AFG2B: variants seen among roughly 807,000 people sequenced by gnomAD.
AFG2B encodes ATPase family gene 2 protein homolog B.
the AFG2B span, chr15:45,418,437 C>A: frequency 2.2e-6 from 2 of 925,750 alleles, no homozygotes; most frequent in Non-Finnish European, 3.1e-6. Flanking sequence ...GTCTTTCTAA[C>A]CCCTATATAT....
chr15:45,403,262 C>T, the AFG2B span: 1 of 1,587,496 alleles, frequency 6.3e-7, no homozygotes, highest in South Asian at 1.1e-5. Flanking sequence ...CCTGGGGAGA[C>T]CGAGGAGAAC....
chr15:45,406,052 G>C, the AFG2B span, among the ~76,000 whole-genome samples: 758 of 152,140 alleles, frequency 5.0e-3, 16 homozygotes, highest in East Asian at 0.019. Flanking sequence ...TGAAAAACAA[G>C]GACCTTAACC....
chr15:45,415,614 C>T, the AFG2B span: 5 of 1,613,988 alleles, frequency 3.1e-6, no homozygotes, highest in African/African-American at 1.3e-5. Context: ...AGCAAGCACT[C>T]CAGCAATTTT....
the AFG2B span, among the ~76,000 whole-genome samples, chr15:45,404,105 T>G: frequency 6.6e-6 from 1 of 152,222 alleles, no homozygotes; most frequent in South Asian, 2.1e-4. Context: ...TGTCCTATTT[T>G]AAGCTTTGGT....
the AFG2B span, among the ~76,000 whole-genome samples, chr15:45,411,339 CAT>C: frequency 2.7e-4 from 41 of 152,246 alleles, no homozygotes; most frequent in South Asian, 1.0e-3. Flanking sequence ...TATTTTGACA[CAT>C]GTTTGCTCTG....
At chr15:45,402,638 G>C in the AFG2B span, 2 of 1,578,040 alleles carry the variant, frequency 1.3e-6, no homozygotes, top group Non-Finnish European at 1.7e-6. Flanking sequence ...GGAGCGGACG[G>C]CTTTGTGCAG....
the AFG2B span, among the ~76,000 whole-genome samples, chr15:45,414,948 ATCC>A: frequency 2.0e-5 from 3 of 152,204 alleles, no homozygotes; most frequent in South Asian, 6.2e-4. Context: ...ATCCTTCATA[ATCC>A]TCCTACCTAC....
At chr15:45,403,243 G>C in the AFG2B span, 1 of 1,553,770 alleles carries the variant, frequency 6.4e-7, no homozygotes, top group African/African-American at 1.4e-5. Context: ...GGCGCTGCAG[G>C]GTTCCCGGCC....
chr15:45,403,627 T>C, the AFG2B span: 1 of 1,426,306 alleles, frequency 7.0e-7, no homozygotes, highest in Admixed American at 2.5e-5. Context: ...ATCGGTGAGG[T>C]TGGAGTTGGG....
the AFG2B span, chr15:45,402,410 G>C: frequency 3.2e-6 from 5 of 1,579,176 alleles, no homozygotes; most frequent in Non-Finnish European, 4.3e-6. Context: ...GGTTTCGTCT[G>C]CCTGGTTCAT....
the AFG2B span, among the ~76,000 whole-genome samples, chr15:45,419,345 C>T: frequency 2.0e-5 from 3 of 151,776 alleles, no homozygotes; most frequent in Non-Finnish European, 4.4e-5. Context: ...ACTAGTAGTC[C>T]CAGCTACTTG....
the AFG2B span, chr15:45,417,421 CTG>C: frequency 1.9e-6 from 3 of 1,612,224 alleles, no homozygotes; most frequent in Non-Finnish European, 2.5e-6. Flanking sequence ...CACATTTACT[CTG>C]TGTGAGCTCA....
chr15:45,410,609 C>A, the AFG2B span: 1 of 1,353,800 alleles, frequency 7.4e-7, no homozygotes, highest in East Asian at 2.4e-5. Context: ...ACATACTGCG[C>A]TGAAACTGCT....
chr15:45,411,466 T>TACC, the AFG2B span, among the ~76,000 whole-genome samples: 1 of 152,120 alleles, frequency 6.6e-6, no homozygotes, highest in African/African-American at 2.4e-5. Context: ...TACAGGTGCA[T>TACC]ACCACCACGC....
the AFG2B span, chr15:45,403,389 C>T: frequency 2.5e-6 from 4 of 1,611,008 alleles, no homozygotes; most frequent in Non-Finnish European, 3.4e-6. Context: ...CCGAGAGCCG[C>T]GTAGTGGCCC....
At chr15:45,413,311 C>G in the AFG2B span, among the ~76,000 whole-genome samples, 1 of 152,176 alleles carries the variant, frequency 6.6e-6, no homozygotes, top group Admixed American at 6.6e-5. Context: ...ATCTGTATAT[C>G]TAGAGTAGAC....
the AFG2B span, chr15:45,415,923 G>A: frequency 2.6e-6 from 2 of 782,934 alleles, no homozygotes; most frequent in South Asian, 2.5e-5. Flanking sequence ...TATAATTTCA[G>A]TTTGACTTTG....
At chr15:45,403,093 T>A in the AFG2B span, 3 of 1,523,650 alleles carry the variant, frequency 2.0e-6, no homozygotes, top group Non-Finnish European at 2.6e-6. Context: ...CCCGCTCCGC[T>A]ACCCGCGCGC....
At chr15:45,410,499 G>A in the AFG2B span, 1 of 1,610,282 alleles carries the variant, frequency 6.2e-7, no homozygotes, top group African/African-American at 1.3e-5. Flanking sequence ...GAGATTGGTG[G>A]CCTTGAAGAT....
Sources: allele counts gnomAD v4.1 joint callset (sites outside exome capture counted in the v4.1 genomes callset), GRCh38; gene constraint gnomAD v4.1.1; transcripts MANE v1.5; gene names NCBI Gene and HGNC (gene_info 2026-07-23, HGNC 2026-07-21).